PALMD: variants seen among roughly 807,000 people sequenced by gnomAD.
PALMD encodes the protein paralemmin-like protein.
Under a neutral mutation model 56.2 loss-of-function variants are expected in PALMD, and 42 were observed. That is an observed-to-expected ratio of 0.75 (90% CI 0.58 to 0.97). PALMD has a LOEUF of 0.97. Among genes scored for constraint, PALMD ranks in the 50% least tolerant of loss-of-function variants. The pLI is 0.00. For missense variants in PALMD, 660 were observed against 643.8 expected, an observed-to-expected ratio of 1.03 and a Z score of -0.27; for synonymous variants, 242 against 222.9, an observed-to-expected ratio of 1.09 and a Z score of -0.76.
intron 1 of PALMD, among the ~76,000 whole-genome samples, chr1:99,657,376 T>C (rs989265726): frequency 5.3e-5 from 8 of 152,216 alleles, no homozygotes; most frequent in Non-Finnish European, 1.0e-4. Context: ...GCATTCCATC[T>C]GACACTTTCC....
chr1:99,657,495 A>G (rs1306141829), intron 1 of PALMD, among the ~76,000 whole-genome samples: 1 of 152,220 alleles, frequency 6.6e-6, no homozygotes, highest in South Asian at 2.1e-4. Context: ...TCATGGCCTT[A>G]TGTATGAGTT....
intron 3 of PALMD, among the ~76,000 whole-genome samples, chr1:99,679,224 T>A (rs138247269): frequency 6.6e-6 from 1 of 152,186 alleles, no homozygotes; most frequent in Non-Finnish European, 1.5e-5. Flanking sequence ...GTCATAAACT[T>A]AATTTCATAC....
intron 1 of PALMD, among the ~76,000 whole-genome samples, chr1:99,647,711 AAGGTT>A (rs1652474152): frequency 5.3e-5 from 8 of 152,296 alleles, no homozygotes; most frequent in African/African-American, 1.7e-4. Flanking sequence ...CTGTTGTCTA[AAGGTT>A]ACTTTATTAG....
chr1:99,652,321 T>A lies in PALMD; in HGVS notation c.45+5959T>A, dbSNP rs528211002. 9.2e-5 allele frequency among the ~76,000 whole-genome samples: 14 copies of A among 152,232 alleles called. No homozygotes were observed. In the South Asian group the frequency reaches 2.7e-3, roughly 29 times the overall value. Reference sequence around the variant, plus strand: ...CCTGTTCAGGACTTCCGTAGATTTCTGGCTGGGCATGGTAGCTCATGTCTA... The same window carrying A: ...CCTGTTCAGGACTTCCGTAGATTTCAGGCTGGGCATGGTAGCTCATGTCTA... On this transcript the variant is annotated intron_variant, in intron 1 of 7. Coordinates refer to ENST00000263174, the MANE Select transcript of PALMD (RefSeq NM_017734.5).
At chr1:99,688,347 C>A (rs1325450040) in intron 6 of PALMD, among the ~76,000 whole-genome samples, 1 of 152,100 alleles carries the variant, frequency 6.6e-6, no homozygotes, top group Non-Finnish European at 1.5e-5. Context: ...AGGCACTTTG[C>A]CCACTGTGAT....
At chr1:99,655,660 G>A (rs1652707090) in intron 1 of PALMD, among the ~76,000 whole-genome samples, 1 of 152,084 alleles carries the variant, frequency 6.6e-6, no homozygotes, top group Non-Finnish European at 1.5e-5. Context: ...TTTCTGTCAT[G>A]TCTATAAATT....
At chr1:99,667,605 C>T (rs1299891513) in intron 2 of PALMD, 37 bp from the exon 3 acceptor site, 3 of 1,575,492 alleles carry the variant, frequency 1.9e-6, no homozygotes, top group East Asian at 4.5e-5. Context: ...AATTATTGAC[C>T]AATATAAGAA....
At chr1:99,648,508 C>T (rs539899095) in intron 1 of PALMD, among the ~76,000 whole-genome samples, 2 of 152,272 alleles carry the variant, frequency 1.3e-5, no homozygotes, top group South Asian at 4.1e-4. Flanking sequence ...GAATCTCCAA[C>T]CTAGACTAAA....
At chr1:99,692,267 A>G (rs1327937937) in intron 7 of PALMD, among the ~76,000 whole-genome samples, 1 of 152,052 alleles carries the variant, frequency 6.6e-6, no homozygotes, top group Non-Finnish European at 1.5e-5. Context: ...TGGGGATCTC[A>G]GCTCTGGGAG....
rs756598505 is a variant in PALMD at position 99,689,043 on chromosome 1, A to T, written c.783A>T (p.Val261=). The change falls in exon 7 of 8, where the codon GTA becomes GTT. Residue 261 remains valine (V), a synonymous_variant. Transcript: ENST00000263174. ...SKSPTEYHEP[V]YANPFYRPTT... is the part of the protein sequence containing the mutation. Reference sequence around the variant, plus strand: ...CCCCAACAGAGTATCATGAGCCTGTATATGCCAATCCCTTTTACAGGCCTA... The same window carrying T: ...CCCCAACAGAGTATCATGAGCCTGTTTATGCCAATCCCTTTTACAGGCCTA... 3.7e-6 allele frequency: 6 copies of T among 1,613,834 alleles called. No homozygotes were observed. Among genetic ancestry groups the T allele is most frequent in the Non-Finnish European group, 5.1e-6 (6 of 1,179,842 alleles).
At chr1:99,681,091 A>ATG (rs1327669485) in intron 3 of PALMD, among the ~76,000 whole-genome samples, 5 of 121,168 alleles carry the variant, frequency 4.1e-5, no homozygotes, top group African/African-American at 1.6e-4. Flanking sequence ...ATATACATAT[A>ATG]TGTGTGTGTA....
chr1:99,665,123 G>T (rs768281268), intron 2 of PALMD, among the ~76,000 whole-genome samples: 6 of 151,922 alleles, frequency 3.9e-5, no homozygotes, highest in African/African-American at 9.7e-5. Context: ...AAAAATTTTT[G>T]ATTTCCATGA....
chr1:99,651,309 T>C (rs1557666202), intron 1 of PALMD, among the ~76,000 whole-genome samples: 1 of 152,354 alleles, frequency 6.6e-6, no homozygotes, highest in South Asian at 2.1e-4. Context: ...GATAGCTCAT[T>C]AAGGAAACTG....
chr1:99,678,247 G>C (rs1283744411), intron 3 of PALMD, among the ~76,000 whole-genome samples: 1 of 151,538 alleles, frequency 6.6e-6, no homozygotes, highest in African/African-American at 2.4e-5. Context: ...GGATTATATA[G>C]GTGCGTGCCA....
chr1:99,688,433 C>A (rs915115683), intron 6 of PALMD, among the ~76,000 whole-genome samples: 10 of 152,000 alleles, frequency 6.6e-5, no homozygotes, highest in Non-Finnish European at 1.5e-4. Flanking sequence ...GAAAGTATAT[C>A]CATCTTGCTG....
At chr1:99,673,657 T>G (rs370789885) in intron 3 of PALMD, among the ~76,000 whole-genome samples, 1 of 152,230 alleles carries the variant, frequency 6.6e-6, no homozygotes. Flanking sequence ...GTTCATCTGT[T>G]GTTGTTTTCA....
At chr1:99,663,241 G>T (rs1652887982) in intron 2 of PALMD, among the ~76,000 whole-genome samples, 1 of 152,070 alleles carries the variant, frequency 6.6e-6, no homozygotes, top group African/African-American at 2.4e-5. Flanking sequence ...CATAATTTAA[G>T]ATTCCAATTA....
chr1:99,667,892 T>C (rs892683613), intron 3 of PALMD, 126 bp downstream of exon 3: 4 of 941,480 alleles, frequency 4.2e-6, no homozygotes, highest in African/African-American at 3.3e-5. Context: ...CTTTTTTTTT[T>C]TTTTAAGGCA....
chr1:99,663,744 C>A (rs1370842852), intron 2 of PALMD, among the ~76,000 whole-genome samples: 2 of 152,126 alleles, frequency 1.3e-5, no homozygotes, highest in Admixed American at 6.6e-5. Flanking sequence ...GTGGAGCTCA[C>A]AGTAGAAGAG....
Sources: allele counts gnomAD v4.1 joint callset (sites outside exome capture counted in the v4.1 genomes callset), GRCh38; gene constraint gnomAD v4.1.1; transcripts MANE v1.5; gene names NCBI Gene and HGNC (gene_info 2026-07-23, HGNC 2026-07-21).